The following CHL1 variants were observed in gnomAD, a reference collection of about 807,000 sequenced individuals.
The protein encoded by CHL1 is neural cell adhesion molecule L1-like protein.
CHL1 carries 96 observed loss-of-function variants against 141.9 expected under a neutral mutation model. The ratio of observed to expected loss-of-function variants is 0.68; its 90% CI spans 0.57 to 0.80. CHL1 has a LOEUF of 0.80. Among genes scored for constraint, CHL1 ranks in the 30% least tolerant of loss-of-function variants. CHL1 has a pLI of 0.00. For missense variants in CHL1, 1,820 were observed against 1,457.2 expected (o/e 1.25, Z -4.05); for synonymous variants, 613 against 502.2 (o/e 1.22, Z -2.95).
chr3:372,923 A>G (rs1010636542), intron 15 of CHL1, among the ~76,000 whole-genome samples: 3 of 151,306 alleles, frequency 2.0e-5, no homozygotes, highest in African/African-American at 7.3e-5. Flanking sequence ...GTTCACGCCT[A>G]TGCCTGGAGA....
intron 13 of CHL1, among the ~76,000 whole-genome samples, chr3:362,394 T>G (rs140148834): frequency 6.6e-6 from 1 of 152,286 alleles, no homozygotes; most frequent in African/African-American, 2.4e-5. Context: ...GTCATAAATT[T>G]ATAGGGTCAG....
At chr3:348,662 C>T (rs917407472) in intron 9 of CHL1, among the ~76,000 whole-genome samples, 2 of 152,132 alleles carry the variant, frequency 1.3e-5, no homozygotes, top group Admixed American at 6.5e-5. Context: ...TTTGTCTTTA[C>T]TTTCCTGTTT....
chr3:207,928 A>G (rs866624874), intron 1 of CHL1, among the ~76,000 whole-genome samples: 17 of 152,310 alleles, frequency 1.1e-4, no homozygotes, highest in South Asian at 4.1e-4. Flanking sequence ...GGTGCAACTC[A>G]TGCACACTTC....
At chr3:351,949 C>T (rs1703304069) in intron 10 of CHL1, among the ~76,000 whole-genome samples, 1 of 152,122 alleles carries the variant, frequency 6.6e-6, no homozygotes, top group African/African-American at 2.4e-5. Flanking sequence ...AAACAGTCTA[C>T]ATCCAGAAAT....
intron 3 of CHL1, among the ~76,000 whole-genome samples, chr3:322,436 G>A (rs2125049491): frequency 1.3e-5 from 2 of 151,608 alleles, no homozygotes; most frequent in South Asian, 4.1e-4. Context: ...GATGGTCTGT[G>A]AGATTAAACT....
At chr3:216,732 T>C (rs749211634) in intron 1 of CHL1, among the ~76,000 whole-genome samples, 1 of 152,230 alleles carries the variant, frequency 6.6e-6, no homozygotes, top group African/African-American at 2.4e-5. Flanking sequence ...GAGAGGCTGC[T>C]AAATATGGCC....
At chr3:338,320 C>T (rs2060310) in intron 5 of CHL1, among the ~76,000 whole-genome samples, 6 of 151,920 alleles carry the variant, frequency 3.9e-5, no homozygotes, top group Admixed American at 3.3e-4. Flanking sequence ...CCTCATTTAC[C>T]GAAAAAAATA....
intron 2 of CHL1, among the ~76,000 whole-genome samples, chr3:268,092 A>G (rs1313239087): frequency 6.6e-6 from 1 of 152,198 alleles, no homozygotes; most frequent in Non-Finnish European, 1.5e-5. Context: ...TTTTGCCCCG[A>G]CACATGTTCA....
chr3:291,456 C>CT (rs201416513), intron 2 of CHL1, among the ~76,000 whole-genome samples: 21,455 of 145,926 alleles, frequency 0.15, 1,826 homozygotes, highest in East Asian at 0.4. Context: ...TTTTCTTTTT[C>CT]TTTTTCTTTT....
chr3:312,827 C>G (rs1218381036), intron 2 of CHL1, among the ~76,000 whole-genome samples: 1 of 152,154 alleles, frequency 6.6e-6, no homozygotes, highest in South Asian at 2.1e-4. Context: ...ATAGCACTGT[C>G]TCAGACTATT....
intron 2 of CHL1, chr3:282,900 T>C (rs1211854814): frequency 6.6e-6 from 1 of 152,226 alleles, no homozygotes; most frequent in Non-Finnish European, 1.5e-5. Context: ...TTCTGGACTA[T>C]ACTGTATAGA....
chr3:313,590 T>G (rs920105521), intron 2 of CHL1, among the ~76,000 whole-genome samples: 18 of 152,222 alleles, frequency 1.2e-4, no homozygotes, highest in African/African-American at 4.1e-4. Flanking sequence ...AGGAAATGAT[T>G]ATTATTCAGA....
Position 389,284 on chromosome 3 carries a change from C to T in CHL1, c.2280C>T (p.Gly760=), listed in dbSNP as rs1219345351. The change falls in exon 20 of 28, where the codon GGC becomes GGT. Residue 760 remains glycine (G), a synonymous_variant. Coordinates refer to ENST00000256509, the MANE Select transcript of CHL1 (RefSeq NM_006614.4). ...AATCCATGGAGCAGAATGGACCAGGCCTAGAGTACAGAGTGACCTGGAAGC... is the reference window on the plus strand; with the variant it reads ...AATCCATGGAGCAGAATGGACCAGGTCTAGAGTACAGAGTGACCTGGAAGC... ...PLKSMEQNGP[G]LEYRVTWKPQ... 1 of 1,612,882 alleles carries T rather than the reference C, an allele frequency of 6.2e-7. No individual in the cohort carries two copies. The highest frequency in any genetic ancestry group is 1.3e-5 in the African/African-American group (1 of 74,894).
intron 3 of CHL1, among the ~76,000 whole-genome samples, chr3:320,106 G>T (rs1292468910): frequency 6.6e-6 from 1 of 151,918 alleles, no homozygotes; most frequent in African/African-American, 2.4e-5. Context: ...AACATAACAA[G>T]AATAGTAACC....
At chr3:340,410 T>C (rs1702261897) in intron 5 of CHL1, among the ~76,000 whole-genome samples, 1 of 152,174 alleles carries the variant, frequency 6.6e-6, no homozygotes. Context: ...AGATAGAGAA[T>C]ATGCAACCGC....
At chr3:217,904 T>C (rs549981028) in intron 1 of CHL1, among the ~76,000 whole-genome samples, 2 of 152,166 alleles carry the variant, frequency 1.3e-5, no homozygotes, top group Admixed American at 6.5e-5. Flanking sequence ...GGAGGACCAG[T>C]TGGTATTCCG....
At chr3:227,573 T>G (rs1023722754) in intron 1 of CHL1, among the ~76,000 whole-genome samples, 1 of 152,202 alleles carries the variant, frequency 6.6e-6, no homozygotes, top group African/African-American at 2.4e-5. Flanking sequence ...TGATTAAAAA[T>G]AGTCTGAATT....
intron 2 of CHL1, among the ~76,000 whole-genome samples, chr3:245,539 A>AT (rs1253233719): frequency 6.6e-6 from 1 of 152,066 alleles, no homozygotes; most frequent in Non-Finnish European, 1.5e-5. Flanking sequence ...AAAACGAGTA[A>AT]TTTTTTTCTC....
intron 23 of CHL1, among the ~76,000 whole-genome samples, chr3:392,189 G>A (rs376243308): frequency 2.0e-5 from 3 of 152,320 alleles, no homozygotes; most frequent in South Asian, 2.1e-4. Context: ...CAAAACACGT[G>A]TTTAATGTTT....
Sources: gnomAD v4.1 joint callset for allele counts (sites outside exome capture counted in the v4.1 genomes callset) on GRCh38, gnomAD v4.1.1 for gene constraint, MANE v1.5 for transcripts, NCBI Gene and HGNC (gene_info 2026-07-23, HGNC 2026-07-21) for gene names.